The following SAMD12 variants were observed in gnomAD, a reference collection of about 807,000 sequenced individuals.
SAMD12 encodes sterile alpha motif domain containing 12, also known as sterile alpha motif domain-containing protein 12.
Under a neutral mutation model 15.0 loss-of-function variants are expected in SAMD12, and 9 were observed. The observed-to-expected ratio is 0.60, with a 90% confidence interval of 0.36 to 1.05. SAMD12 has a LOEUF of 1.05. Among genes scored for constraint, SAMD12 ranks in the 50% least tolerant of loss-of-function variants. The pLI, the probability that SAMD12 is intolerant of heterozygous loss-of-function variation, is 0.01. For synonymous variants in SAMD12, 86 were observed against 90.1 expected (o/e 0.96, Z 0.25); for missense variants, 230 against 234.2 (o/e 0.98, Z 0.12).
intron 4 of SAMD12, among the ~76,000 whole-genome samples, chr8:118,233,815 G>C (rs1283750502): frequency 1.3e-5 from 2 of 152,192 alleles, no homozygotes; most frequent in Admixed American, 1.3e-4. Flanking sequence ...AAACAGCTGG[G>C]TTAGGGAATC....
At chr8:118,282,235 T>G in intron 4 of SAMD12, 1 of 455,416 alleles carries the variant, frequency 2.2e-6, no homozygotes, top group South Asian at 1.6e-5. Context: ...CTATACCATA[T>G]ATCTAAGGTC....
intron 4 of SAMD12, among the ~76,000 whole-genome samples, chr8:118,204,458 C>T (rs1455185850): frequency 1.3e-5 from 2 of 151,982 alleles, no homozygotes; most frequent in African/African-American, 4.8e-5. Flanking sequence ...AGATGAAGGT[C>T]AGAATCTCCA....
intron 2 of SAMD12, among the ~76,000 whole-genome samples, chr8:118,542,732 T>C (rs764710720): frequency 3.9e-5 from 6 of 152,250 alleles, no homozygotes; most frequent in Non-Finnish European, 8.8e-5. Context: ...GTAAATACCA[T>C]TTAACAAAAT....
intron 4 of SAMD12, among the ~76,000 whole-genome samples, chr8:118,250,349 G>A (rs1812791434): frequency 6.6e-6 from 1 of 152,072 alleles, no homozygotes. Context: ...AGTGATGTAA[G>A]AATGAAATAG....
At chr8:118,315,015 T>C (rs2130413527) in intron 4 of SAMD12, among the ~76,000 whole-genome samples, 1 of 152,324 alleles carries the variant, frequency 6.6e-6, no homozygotes, top group South Asian at 2.1e-4. Flanking sequence ...AAAACTAACT[T>C]CACGTACATA....
At chr8:118,335,059 TA>T (rs1364450410) in intron 4 of SAMD12, among the ~76,000 whole-genome samples, 1 of 152,196 alleles carries the variant, frequency 6.6e-6, no homozygotes, top group African/African-American at 2.4e-5. Flanking sequence ...GATCTCTTTT[TA>T]AAATATGTTC....
chr8:118,175,752 A>G, the SAMD12 span, among the ~76,000 whole-genome samples: 1 of 152,190 alleles, frequency 6.6e-6, no homozygotes, highest in Non-Finnish European at 1.5e-5. Flanking sequence ...AATATCACTA[A>G]TCATTAGGGA....
intron 4 of SAMD12, among the ~76,000 whole-genome samples, chr8:118,295,417 C>A (rs1160093179): frequency 6.6e-6 from 1 of 152,024 alleles, no homozygotes; most frequent in Non-Finnish European, 1.5e-5. Flanking sequence ...AATATTCTGC[C>A]AATATGAAGA....
At chr8:118,234,756 A>G (rs1478353824) in intron 4 of SAMD12, among the ~76,000 whole-genome samples, 2 of 151,898 alleles carry the variant, frequency 1.3e-5, no homozygotes, top group African/African-American at 4.8e-5. Context: ...GAAGCAATAA[A>G]TAATACAAAT....
intron 3 of SAMD12, among the ~76,000 whole-genome samples, chr8:118,387,868 G>A (rs562418111): frequency 4.6e-5 from 7 of 152,284 alleles, no homozygotes; most frequent in East Asian, 3.9e-4. Context: ...GCACAAGGGC[G>A]TAATGTTTCA....
intron 1 of SAMD12, among the ~76,000 whole-genome samples, chr8:118,613,971 G>A (rs565726391): frequency 1.3e-4 from 20 of 152,308 alleles, no homozygotes; most frequent in Middle Eastern, 3.4e-3. Flanking sequence ...ACTGCACAGA[G>A]TCAGATCATG....
intron 2 of SAMD12, among the ~76,000 whole-genome samples, chr8:118,574,809 G>C (rs756326642): frequency 2.0e-5 from 3 of 152,112 alleles, no homozygotes; most frequent in African/African-American, 7.2e-5. Flanking sequence ...CATATGCATT[G>C]TGTCCTTTCC....
chr8:118,304,587 G>A (rs1480179540), intron 4 of SAMD12, among the ~76,000 whole-genome samples: 3 of 151,698 alleles, frequency 2.0e-5, no homozygotes, highest in Non-Finnish European at 4.4e-5. Flanking sequence ...GTGAAACCCC[G>A]TCTCTACTAA....
chr8:118,578,788 C>T (rs1194690806), intron 2 of SAMD12, among the ~76,000 whole-genome samples: 1 of 152,130 alleles, frequency 6.6e-6, no homozygotes, highest in Non-Finnish European at 1.5e-5. Flanking sequence ...AATTCTTTGT[C>T]TAAGCTTTCT....
chr8:118,460,264 G>A (rs563572442), intron 2 of SAMD12, among the ~76,000 whole-genome samples: 5 of 152,244 alleles, frequency 3.3e-5, no homozygotes, highest in Admixed American at 1.3e-4. Flanking sequence ...GATGGGTAAA[G>A]TATAAAAACC....
chr8:118,501,015 C>T (rs895468645), intron 2 of SAMD12, among the ~76,000 whole-genome samples: 1 of 152,090 alleles, frequency 6.6e-6, no homozygotes, highest in Non-Finnish European at 1.5e-5. Flanking sequence ...GGAACAGCCA[C>T]CCGGTAGATG....
At chr8:118,446,266 A>G (rs145720662) in intron 2 of SAMD12, among the ~76,000 whole-genome samples, 26 of 150,852 alleles carry the variant, frequency 1.7e-4, no homozygotes, top group Admixed American at 1.7e-3. Flanking sequence ...TAATTTGCCC[A>G]CACTGAATAT....
At chr8:118,195,388 C>G (rs1156675125) in exon 5 of SAMD12, 1 of 152,168 alleles carries the variant, frequency 6.6e-6, no homozygotes, top group Non-Finnish European at 1.5e-5. Context: ...GTTAGATAAT[C>G]CAGCGTAGTG....
chr8:118,159,719 CT>C, the SAMD12 span, among the ~76,000 whole-genome samples: 42,720 of 143,272 alleles, frequency 0.3, 5,906 homozygotes, highest in Admixed American at 0.34. Flanking sequence ...CTTTTTTTTT[CT>C]TTTTTTTTTT....
Sources: allele counts gnomAD v4.1 joint callset (sites outside exome capture counted in the v4.1 genomes callset), GRCh38; gene constraint gnomAD v4.1.1; transcripts MANE v1.5; gene names NCBI Gene and HGNC (gene_info 2026-07-23, HGNC 2026-07-21).